Variants in DAB2IP observed in about 807,000 individuals in gnomAD.
DAB2IP encodes DAB2 interacting protein.
In DAB2IP, 28 loss-of-function variants were observed where a neutral mutation model predicts 107.2. The ratio of observed to expected loss-of-function variants is 0.26; its 90% CI spans 0.19 to 0.36. The LOEUF (loss-of-function observed/expected upper bound fraction) is 0.36, where lower values mean the gene tolerates loss of function less well. DAB2IP is among the 10% of genes least tolerant of loss of function. DAB2IP has a pLI of 1.00. For missense variants in DAB2IP, 1,400 were observed against 1,644.7 expected (o/e 0.85, Z 2.57); for synonymous variants, 755 against 706.4 (o/e 1.07, Z -1.09).
chr9:121,593,312 G>A (rs891207253), intron 1 of DAB2IP, among the ~76,000 whole-genome samples: 2 of 152,120 alleles, frequency 1.3e-5, no homozygotes, highest in African/African-American at 2.4e-5. Context: ...TTGTTGTCCA[G>A]GCTAGAGTGC....
chr9:121,628,203 G>A (rs1445368781), intron 1 of DAB2IP, among the ~76,000 whole-genome samples: 1 of 152,230 alleles, frequency 6.6e-6, no homozygotes, highest in Non-Finnish European at 1.5e-5. Context: ...GGAGCTGAGT[G>A]GAGATGCTGG....
chr9:121,712,453 G>A (rs1830381625), intron 3 of DAB2IP, among the ~76,000 whole-genome samples: 2 of 152,188 alleles, frequency 1.3e-5, no homozygotes, highest in African/African-American at 4.8e-5. Flanking sequence ...AGGGGGAGGT[G>A]TTTCTGCTTG....
At position 121,599,816 on chromosome 9, in the gene DAB2IP, C is replaced by G. The variant is rs1278639476; in HGVS notation, c.40+32588C>G. On this transcript the variant is annotated intron_variant, in intron 1 of 16. Transcript: ENST00000259371. The surrounding 1 kb of genome is among the most constrained non-coding windows in gnomAD (Gnocchi z 6.9). ...GGTGGAGGGGGGCTCGGTGGTTTGCCGGGATCCGAGCGGCATCCCGGGTTC... is the reference window on the plus strand; with the variant it reads ...GGTGGAGGGGGGCTCGGTGGTTTGCGGGGATCCGAGCGGCATCCCGGGTTC... Among the ~76,000 whole-genome samples the G allele has an allele frequency of 1.3e-5, 2 of 151,632 alleles. No homozygotes were observed. The highest frequency in any genetic ancestry group is 2.9e-5 in the Non-Finnish European group (2 of 67,836).
At chr9:121,639,916 G>A (rs1039497015) in intron 1 of DAB2IP, among the ~76,000 whole-genome samples, 1 of 152,172 alleles carries the variant, frequency 6.6e-6, no homozygotes, top group African/African-American at 2.4e-5. Flanking sequence ...TCCCCAGACT[G>A]GCTAACTTAG....
At chr9:121,657,867 T>C (rs899354039) in intron 1 of DAB2IP, among the ~76,000 whole-genome samples, 2 of 152,188 alleles carry the variant, frequency 1.3e-5, no homozygotes, top group Admixed American at 6.5e-5. Context: ...TGGATACTTA[T>C]GGCTCCAGTA....
At position 121,763,852 on chromosome 9, in the gene DAB2IP, C is replaced by T. The variant is rs368910721; in HGVS notation, c.1433C>T (p.Ala478Val). 1.1e-4 allele frequency: 183 copies of T among 1,614,012 alleles called. No individual in the cohort carries two copies. The highest frequency in any genetic ancestry group is 1.4e-4 in the Non-Finnish European group (170 of 1,180,034). The change falls in exon 8 of 16, where the codon GCC (alanine) becomes GTC (valine). Residue 478 changes from alanine to valine, a missense_variant. By Grantham distance (64) the Ala-to-Val change is moderately conservative. This residue lies in a region of DAB2IP where 517 missense variants were observed against 748.6 expected (regional missense o/e 0.69). Transcript: ENST00000408936. ...AACCTCAAGATGTGCTGCGAGCTGG[C>T]CTTCTGCAAGATCATCAACTCCTAC...
chr9:121,568,101 G>A (rs917332434), intron 1 of DAB2IP, among the ~76,000 whole-genome samples: 5 of 152,182 alleles, frequency 3.3e-5, no homozygotes, highest in African/African-American at 1.2e-4. Context: ...TCCCAGCTTG[G>A]GTCAGGTCAG....
intron 1 of DAB2IP, among the ~76,000 whole-genome samples, chr9:121,644,745 C>T (rs1025488791): frequency 6.6e-6 from 1 of 152,224 alleles, no homozygotes; most frequent in Non-Finnish European, 1.5e-5. Context: ...ACAAAATATT[C>T]ATATACCCCT....
intron 1 of DAB2IP, among the ~76,000 whole-genome samples, chr9:121,638,076 G>T (rs1025134157): frequency 1.3e-5 from 2 of 152,168 alleles, no homozygotes; most frequent in Admixed American, 6.5e-5. Context: ...AGGGAGAGCA[G>T]TGTGCCAGGA....
At chr9:121,771,999 G>T (rs909379693) in intron 11 of DAB2IP, among the ~76,000 whole-genome samples, 1 of 152,216 alleles carries the variant, frequency 6.6e-6, no homozygotes, top group Non-Finnish European at 1.5e-5. Context: ...TGAGGAGGAG[G>T]CCAGGGCAAG....
Position 121,776,067 on chromosome 9 carries a change from G to A in DAB2IP, c.3121-131G>A. On this transcript the variant is annotated intron_variant, in intron 13 of 15. Coordinates refer to ENST00000408936, the Ensembl canonical transcript of DAB2IP. The surrounding 1 kb of genome is among the most constrained non-coding windows in gnomAD (Gnocchi z 5.4). ...CTCCTTGGGCATCTCCTTGCTATGT[G>A]AAGTGGGCGGGTCACAGCCACTGGG... 1 of 1,067,486 alleles carries A rather than the reference G, an allele frequency of 9.4e-7. No homozygotes were observed. The highest frequency in any genetic ancestry group is 1.6e-5 in the South Asian group (1 of 61,180). The allele number at this position is 1,067,486 out of a possible 1,614,324, so 66.1% of individuals were successfully genotyped here.
upstream of DAB2IP, among the ~76,000 whole-genome samples, chr9:121,646,745 T>A (rs1319530037): frequency 6.6e-6 from 1 of 152,070 alleles, no homozygotes; most frequent in Non-Finnish European, 1.5e-5. Flanking sequence ...AGCCTCCTCC[T>A]GTCCCTTGAC....
intron 2 of DAB2IP, among the ~76,000 whole-genome samples, chr9:121,692,986 T>G (rs1019519675): frequency 1.2e-4 from 19 of 152,252 alleles, no homozygotes; most frequent in Admixed American, 3.9e-4. Flanking sequence ...CCCTGGCAGC[T>G]GCTCTGACTT....
chr9:121,773,479 G>T, exon 12 of DAB2IP: 1 of 1,512,794 alleles, frequency 6.6e-7, no homozygotes, highest in Non-Finnish European at 8.8e-7. Context: ...CTGAAGCCAC[G>T]GGCAGTGCAC....
intron 4 of DAB2IP, 103 bp downstream of exon 4, chr9:121,757,269 A>AGGGGCCAGGGTCTT: frequency 6.9e-7 from 1 of 1,451,908 alleles, no homozygotes; most frequent in East Asian, 2.4e-5. Context: ...TGGCCTCAGC[A>AGGGGCCAGGGTCTT]GGGGCCAGGG....
At chr9:121,615,371 T>G (rs888792826) in intron 1 of DAB2IP, among the ~76,000 whole-genome samples, 1 of 152,220 alleles carries the variant, frequency 6.6e-6, no homozygotes, top group Non-Finnish European at 1.5e-5. Context: ...CTTCTTGGAA[T>G]GCCTATTGAT....
intron 3 of DAB2IP, among the ~76,000 whole-genome samples, chr9:121,741,783 C>G (rs1212137878): frequency 6.6e-6 from 1 of 150,966 alleles, no homozygotes; most frequent in African/African-American, 2.4e-5. Context: ...TTCACCCCAG[C>G]TGAAAGCAGG....
At position 121,772,572 on chromosome 9, in the gene DAB2IP, C is replaced by T. The variant is rs1402721955; in HGVS notation, c.2079-35C>T. On this transcript the variant is annotated intron_variant, in intron 11 of 15. Transcript: ENST00000408936. The surrounding 1 kb of genome is among the most constrained non-coding windows in gnomAD (Gnocchi z 4.7). ...GGCTGCACTCACAGTTCTTCTTTTC[C>T]CCTTCTTTCCCTGTGTGTGCTTGTC... The T allele has an allele frequency of 2.5e-6, 4 of 1,579,078 alleles. No individual in the cohort carries two copies. The highest frequency in any genetic ancestry group is 1.7e-6 in the Non-Finnish European group (2 of 1,160,148).
intron 3 of DAB2IP, among the ~76,000 whole-genome samples, chr9:121,734,621 G>A (rs1831763498): frequency 6.6e-6 from 1 of 152,186 alleles, no homozygotes; most frequent in African/African-American, 2.4e-5. Flanking sequence ...ATGGGGCCCT[G>A]TTTTCTTATA....
Sources: allele counts gnomAD v4.1 joint callset (sites outside exome capture counted in the v4.1 genomes callset), GRCh38; gene constraint gnomAD v4.1.1; regional missense constraint gnomAD v4.1.1; non-coding constraint Gnocchi (gnomAD v3.1); transcripts MANE v1.5; gene names NCBI Gene and HGNC (gene_info 2026-07-23, HGNC 2026-07-21).